SMCO4: variants seen among roughly 807,000 people sequenced by gnomAD.
The protein encoded by SMCO4 is single-pass membrane protein with coiled-coil domains 4, also known as single-pass membrane and coiled-coil domain-containing protein 4.
In SMCO4, 4 loss-of-function variants were observed where a neutral mutation model predicts 3.6. The ratio of observed to expected loss-of-function variants is 1.11; its 90% CI spans 0.54 to 2.53. The LOEUF is 2.53. Ranked by LOEUF, SMCO4 falls within the 30% of genes most tolerant of loss-of-function variation. The pLI, the probability that SMCO4 is intolerant of heterozygous loss-of-function variation, is 0.02. For synonymous variants in SMCO4, 36 were observed against 35.3 expected, an observed-to-expected ratio of 1.02 and a Z score of -0.07; for missense variants, 70 against 80.8, an observed-to-expected ratio of 0.87 and a Z score of 0.51.
At chr11:93,522,723 G>A (rs1353105384) in intron 1 of SMCO4, among the ~76,000 whole-genome samples, 1 of 152,230 alleles carries the variant, frequency 6.6e-6, no homozygotes, top group Non-Finnish European at 1.5e-5. Flanking sequence ...TGATGAGAGA[G>A]TGTCTGATGA....
At chr11:93,532,264 G>T (rs1226438238) in intron 1 of SMCO4, among the ~76,000 whole-genome samples, 2 of 152,210 alleles carry the variant, frequency 1.3e-5, no homozygotes, top group African/African-American at 4.8e-5. Context: ...AATTTTAGAT[G>T]TCAACTTGAC....
intron 1 of SMCO4, among the ~76,000 whole-genome samples, chr11:93,538,630 T>C (rs954360425): frequency 6.6e-6 from 1 of 152,184 alleles, no homozygotes; most frequent in African/African-American, 2.4e-5. Context: ...GAGGCACTTT[T>C]GGTTTCTGCA....
At chr11:93,500,251 A>AT (rs1453549503) in intron 1 of SMCO4, among the ~76,000 whole-genome samples, 1 of 152,194 alleles carries the variant, frequency 6.6e-6, no homozygotes, top group Non-Finnish European at 1.5e-5. Flanking sequence ...TGGCTTATGT[A>AT]TGTGGCTATA....
In SMCO4 at chr11:93,479,023, G is replaced by T. The variant is rs763569568; in HGVS notation, c.167C>A (p.Thr56Asn). 6.2e-7 allele frequency: 1 copy of T among 1,607,750 alleles called. No individual in the cohort carries two copies. The highest frequency in any genetic ancestry group is 2.2e-5 in the East Asian group (1 of 44,722). The change falls in exon 3 of 3, where the codon ACC (threonine) becomes AAC (asparagine). Residue 56 changes from threonine (T) to asparagine (N), a missense_variant. Coordinates refer to ENST00000298966, the MANE Select transcript of SMCO4 (RefSeq NM_020179.3). Reference sequence around the variant, plus strand: ...CGGCTGCGGGGCTCACTCGGTGATGGTGGGGCGCGTGGCCACGTACACAAA... The same window carrying T: ...CGGCTGCGGGGCTCACTCGGTGATGTTGGGGCGCGTGGCCACGTACACAAA... ...VVFVYVATRP[T>N]ITE
At chr11:93,531,463 G>C (rs910569523) in intron 1 of SMCO4, among the ~76,000 whole-genome samples, 1 of 152,140 alleles carries the variant, frequency 6.6e-6, no homozygotes, top group African/African-American at 2.4e-5. Flanking sequence ...TTGGCTCTCT[G>C]GGGTCTCAAA....
intron 1 of SMCO4, chr11:93,535,564 T>G: frequency 1.3e-6 from 2 of 1,486,780 alleles, no homozygotes; most frequent in Non-Finnish European, 1.9e-6. Context: ...CTTGAAGAAG[T>G]ATGACAGTCG....
At chr11:93,510,624 A>C (rs1948948510) in intron 1 of SMCO4, among the ~76,000 whole-genome samples, 1 of 152,172 alleles carries the variant, frequency 6.6e-6, no homozygotes, top group South Asian at 2.1e-4. Flanking sequence ...TGGAACAGGA[A>C]GCTGTCTCAT....
intron 1 of SMCO4, among the ~76,000 whole-genome samples, chr11:93,513,203 G>A (rs1948974811): frequency 6.6e-6 from 1 of 152,162 alleles, no homozygotes; most frequent in East Asian, 1.9e-4. Flanking sequence ...TCCCTCTTTT[G>A]TAAAATAAGG....
intron 1 of SMCO4, among the ~76,000 whole-genome samples, chr11:93,530,057 CTT>C (rs1028888927): frequency 4.4e-4 from 67 of 152,252 alleles, no homozygotes; most frequent in Non-Finnish European, 7.6e-4. Flanking sequence ...TGACTCAACT[CTT>C]TTCACAGCAT....
intron 2 of SMCO4, among the ~76,000 whole-genome samples, chr11:93,496,236 T>C (rs1948770459): frequency 6.6e-6 from 1 of 152,186 alleles, no homozygotes; most frequent in African/African-American, 2.4e-5. Flanking sequence ...AAGGACGATG[T>C]TGGCTTGGAC....
At chr11:93,488,882 AG>A (rs1187002012) in intron 2 of SMCO4, among the ~76,000 whole-genome samples, 1 of 152,154 alleles carries the variant, frequency 6.6e-6, no homozygotes, top group Non-Finnish European at 1.5e-5. Context: ...AAGACTGAAA[AG>A]GGAGTCAAGA....
chr11:93,549,804 G>C, the SMCO4 span, among the ~76,000 whole-genome samples: 1 of 152,016 alleles, frequency 6.6e-6, no homozygotes, highest in African/African-American at 2.4e-5. Context: ...AAAACTACCA[G>C]CTTCTTGGAT....
intron 1 of SMCO4, among the ~76,000 whole-genome samples, chr11:93,522,955 A>G (rs1949072413): frequency 6.6e-6 from 1 of 152,202 alleles, no homozygotes; most frequent in African/African-American, 2.4e-5. Context: ...TGAGACCTGA[A>G]GTAAGAGAAT....
At chr11:93,530,699 G>A (rs888271425) in intron 1 of SMCO4, among the ~76,000 whole-genome samples, 2 of 151,904 alleles carry the variant, frequency 1.3e-5, no homozygotes, top group Non-Finnish European at 2.9e-5. Context: ...AAATTGTACT[G>A]TCCCTACACT....
intron 1 of SMCO4, among the ~76,000 whole-genome samples, chr11:93,521,848 A>G (rs897558): frequency 0.42 from 63,229 of 152,062 alleles, 13,692 homozygotes; most frequent in Non-Finnish European, 0.46. Flanking sequence ...CAATCTAGCC[A>G]ATACCAATCG....
At chr11:93,509,561 C>G (rs553753930) in intron 1 of SMCO4, among the ~76,000 whole-genome samples, 1 of 152,296 alleles carries the variant, frequency 6.6e-6, no homozygotes, top group East Asian at 1.9e-4. Flanking sequence ...AAATATGGAA[C>G]CAGCCCAAAT....
At chr11:93,508,285 C>T (rs1948926517) in intron 1 of SMCO4, among the ~76,000 whole-genome samples, 1 of 152,030 alleles carries the variant, frequency 6.6e-6, no homozygotes, top group Non-Finnish European at 1.5e-5. Context: ...TCTTCAAGAG[C>T]CTATGAAGGG....
chr11:93,545,207 A>G (rs1022248626), upstream of SMCO4, among the ~76,000 whole-genome samples: 3 of 152,218 alleles, frequency 2.0e-5, no homozygotes, highest in Admixed American at 2.0e-4. Flanking sequence ...AGGCAAGCAG[A>G]GCCACTGATG....
chr11:93,488,611 A>G (rs1220387250), intron 2 of SMCO4, among the ~76,000 whole-genome samples: 2 of 152,118 alleles, frequency 1.3e-5, no homozygotes, highest in African/African-American at 4.8e-5. Flanking sequence ...TGGTGTTGCC[A>G]TTGAGAGAGG....
Sources: gnomAD v4.1 joint callset for allele counts (sites outside exome capture counted in the v4.1 genomes callset) on GRCh38, gnomAD v4.1.1 for gene constraint, MANE v1.5 for transcripts, NCBI Gene and HGNC (gene_info 2026-07-23, HGNC 2026-07-21) for gene names.